Variants in BSCL2 observed in about 807,000 individuals in gnomAD.
The protein encoded by BSCL2 is seipin.
BSCL2 carries 41 observed loss-of-function variants against 57.4 expected under a neutral mutation model. The ratio of observed to expected loss-of-function variants is 0.71; its 90% confidence interval spans 0.56 to 0.93. BSCL2 has a LOEUF of 0.93. BSCL2 is among the 40% of genes least tolerant of loss of function. The probability of loss-of-function intolerance (pLI) is 0.00; values close to 1 mark genes in which losing one functional copy is unlikely to be tolerated. For synonymous variants in BSCL2, 237 were observed against 227.3 expected, an observed-to-expected ratio of 1.04 and a Z score of -0.38; for missense variants, 539 against 586.7, an observed-to-expected ratio of 0.92 and a Z score of 0.84.
At chr11:62,708,876 T>C, upstream of BSCL2, 1 of 1,221,226 alleles carries the variant, frequency 8.2e-7, no homozygotes, top group Non-Finnish European at 1.2e-6. Context: ...CAGTAATTGT[T>C]GTGAGCCCCT....
upstream of BSCL2, chr11:62,709,050 G>A (rs1440254488): frequency 3.3e-5 from 17 of 512,618 alleles, no homozygotes; most frequent in South Asian, 3.2e-4. Flanking sequence ...CCACAGCAGG[G>A]CCCCGTCAGA....
chr11:62,707,629 T>C, upstream of BSCL2: 1 of 488,968 alleles, frequency 2.0e-6, no homozygotes, highest in Non-Finnish European at 3.7e-6. Flanking sequence ...GCAGCTAGGC[T>C]CCCCCACTGG....
chr11:62,694,518 G>A, intron 4 of BSCL2, 50 bp downstream of exon 4: 1 of 1,612,994 alleles, frequency 6.2e-7, no homozygotes, highest in Non-Finnish European at 8.5e-7. Flanking sequence ...TACCCATTCT[G>A]ATCCTGCCAT....
chr11:62,707,781 G>C (rs560618), upstream of BSCL2: 262,494 of 266,698 alleles, frequency 0.98, 129,316 homozygotes, highest in East Asian at 1. Flanking sequence ...GCCTCCTTTC[G>C]TATAGTCACT....
At chr11:62,691,008 G>A in intron 8 of BSCL2, 67 bp downstream of exon 8, 1 of 1,590,500 alleles carries the variant, frequency 6.3e-7, no homozygotes, top group East Asian at 2.2e-5. Flanking sequence ...GATGAAGCAG[G>A]GACTCCTTCT....
chr11:62,701,847 GAA>G (rs1476736829), intron 3 of BSCL2, among the ~76,000 whole-genome samples: 3 of 142,366 alleles, frequency 2.1e-5, no homozygotes, highest in Admixed American at 7.0e-5. Flanking sequence ...AAAAAAAAAA[GAA>G]AGAGAGTGAA....
chr11:62,699,968 C>T (rs1247423109), intron 3 of BSCL2, among the ~76,000 whole-genome samples: 15 of 151,616 alleles, frequency 9.9e-5, no homozygotes, highest in Admixed American at 9.9e-4. Context: ...AGGCGTGAGC[C>T]ACCACACCCG....
chr11:62,697,260 TG>T (rs1945497769), intron 3 of BSCL2, among the ~76,000 whole-genome samples: 1 of 148,908 alleles, frequency 6.7e-6, no homozygotes, highest in Non-Finnish European at 1.5e-5. Context: ...CCGGGCATGG[TG>T]GTGGGCGCCT....
intron 3 of BSCL2, among the ~76,000 whole-genome samples, chr11:62,701,803 G>A (rs1270017780): frequency 6.8e-6 from 1 of 147,530 alleles, no homozygotes; most frequent in African/African-American, 2.6e-5. Flanking sequence ...CTGCAATCCA[G>A]CCTGGCGACA....
intron 1 of BSCL2, chr11:62,706,221 A>T: frequency 9.3e-7 from 1 of 1,076,518 alleles, no homozygotes; most frequent in Non-Finnish European, 1.1e-6. Flanking sequence ...GCAACCATGG[A>T]AACCAGCCCG....
intron 3 of BSCL2, among the ~76,000 whole-genome samples, chr11:62,696,278 T>TTTTTTGTG (rs1554984017): frequency 7.1e-4 from 97 of 136,320 alleles, no homozygotes; most frequent in African/African-American, 1.2e-3. Flanking sequence ...CATAAACTTT[T>TTTTTTGTG]TGTGTGTGTG....
At chr11:62,705,903 AAAG>A in intron 1 of BSCL2, 1 of 435,818 alleles carries the variant, frequency 2.3e-6, no homozygotes, top group East Asian at 3.9e-5. Context: ...GCTATATAAC[AAAG>A]AATAAGCACC....
At chr11:62,695,405 G>GT (rs1945427022) in intron 3 of BSCL2, among the ~76,000 whole-genome samples, 1 of 149,928 alleles carries the variant, frequency 6.7e-6, no homozygotes, top group Admixed American at 6.6e-5. Context: ...GAGGTAATGG[G>GT]TTAAAAAAAA....
At chr11:62,706,545 G>T (rs1261739563) in intron 1 of BSCL2, 1 of 460,210 alleles carries the variant, frequency 2.2e-6, no homozygotes, top group Non-Finnish European at 4.4e-6. Flanking sequence ...TGTGCCCCAG[G>T]GGATGCGCTG....
Position 62,702,468 on chromosome 11 carries a change from C to T in BSCL2, c.486G>A (p.Arg162=). The T allele has an allele frequency of 6.2e-7, 1 of 1,611,282 alleles. No homozygotes were observed. Among genetic ancestry groups the T allele is most frequent in the Non-Finnish European group, 8.5e-7 (1 of 1,177,894 alleles). ...ACCTCTCTCTAGTTCCCATACTCAC[C>T]CGATCACGTCCACCCTTAGTCAGCG... is the stretch of plus-strand genomic sequence containing the variant. ...NVSLTKGGRD[R]VLMYGQPYRV... is the part of the protein sequence containing the mutation. Residue 162 remains arginine (R), a splice_region_variant and synonymous_variant, in exon 3 of 11, where the codon CGG becomes CGA. Coordinates refer to ENST00000360796, the MANE Select transcript of BSCL2 (RefSeq NM_001122955.4).
upstream of BSCL2, chr11:62,707,439 G>T: frequency 1.4e-6 from 1 of 696,986 alleles, no homozygotes; most frequent in Non-Finnish European, 2.6e-6. Flanking sequence ...AGGGTCCCCC[G>T]CAGCCAGTAC....
At position 62,692,829 on chromosome 11, in the gene BSCL2, A is replaced by G. The variant is rs145513197; in HGVS notation, c.631-32T>C. 1.0e-4 allele frequency: 162 copies of G among 1,611,474 alleles called. No homozygotes were observed. The East Asian group carries it at 3.2e-3, about 31-fold the overall frequency. On this transcript the variant is annotated intron_variant, in intron 4 of 10. Transcript: ENST00000360796. ...GGGGTGGGAAGCAGAGGCTGGGGACAGGTGCATGCCAGATCCCCATGACCC... is the reference window on the plus strand; with the variant it reads ...GGGGTGGGAAGCAGAGGCTGGGGACGGGTGCATGCCAGATCCCCATGACCC...
rs1363166528 is a variant in BSCL2 at position 62,691,384 on chromosome 11, T to C, written c.901A>G (p.Ile301Val). 11 of 1,613,970 alleles carry C rather than the reference T, an allele frequency of 6.8e-6. No homozygotes were observed. Among genetic ancestry groups the C allele is most frequent in the Non-Finnish European group, 9.3e-6 (11 of 1,180,010 alleles). ...AAGGTGAAGTTGCTGGCAACACCTA[T>C]GAAGGCGCAGGTCATCGGGAAGTTG... The part of the protein sequence containing the change: ...LYNFPMTCAF[I>V]GVASNFTFLS... The change falls in exon 7 of 11, where the codon ATA becomes GTA. Residue 301 changes from isoleucine (I) to valine (V), a missense_variant. By Grantham distance (29) the Ile-to-Val change is conservative. Transcript: ENST00000360796.
At chr11:62,696,281 TGTGTGTGTGTG>T (rs1565147177) in intron 3 of BSCL2, among the ~76,000 whole-genome samples, 1 of 145,154 alleles carries the variant, frequency 6.9e-6, no homozygotes, top group African/African-American at 2.6e-5. Flanking sequence ...AAACTTTTTG[TGTGTGTGTGTG>T]TGTGTGTGTG....
Sources: gnomAD v4.1 joint callset for allele counts (sites outside exome capture counted in the v4.1 genomes callset) on GRCh38, gnomAD v4.1.1 for gene constraint, MANE v1.5 for transcripts, NCBI Gene and HGNC (gene_info 2026-07-23, HGNC 2026-07-21) for gene names.